The following CTNNA3 variants were observed in gnomAD, a reference collection of about 807,000 sequenced individuals.
CTNNA3 encodes the protein catenin alpha 3, also known as catenin alpha-3.
Under a neutral mutation model 95.7 loss-of-function variants are expected in CTNNA3, and 76 were observed. That is an observed-to-expected ratio of 0.79 (90% CI 0.66 to 0.96). CTNNA3 has a LOEUF of 0.96. CTNNA3 is among the 40% of genes least tolerant of loss of function. CTNNA3 has a pLI of 0.00. For missense variants in CTNNA3, 1,191 were observed against 1,089.8 expected (o/e 1.09, Z -1.31); for synonymous variants, 431 against 374.4 (o/e 1.15, Z -1.74).
chr10:66,924,237 C>T (rs2132611317), intron 7 of CTNNA3, among the ~76,000 whole-genome samples: 1 of 152,290 alleles, frequency 6.6e-6, no homozygotes, highest in Admixed American at 6.5e-5. Context: ...TAAGAACATA[C>T]TGCCCAAGGA....
intron 5 of CTNNA3, among the ~76,000 whole-genome samples, chr10:67,369,159 G>A (rs1488799353): frequency 6.6e-6 from 1 of 151,752 alleles, no homozygotes; most frequent in Non-Finnish European, 1.5e-5. Context: ...TTAAAGCCTT[G>A]GTAATTAAAA....
At chr10:67,284,884 A>G (rs933503121) in intron 5 of CTNNA3, among the ~76,000 whole-genome samples, 1 of 152,190 alleles carries the variant, frequency 6.6e-6, no homozygotes, top group Non-Finnish European at 1.5e-5. Context: ...AAGCTATGTG[A>G]GGAATACAAA....
At chr10:67,274,914 G>A (rs558650971) in intron 5 of CTNNA3, among the ~76,000 whole-genome samples, 65 of 152,178 alleles carry the variant, frequency 4.3e-4, no homozygotes, top group African/African-American at 1.5e-3. Context: ...AACAAATATA[G>A]AATCATTAGA....
In CTNNA3 at chr10:66,702,138, T is replaced by TA. The variant is rs143358471; in HGVS notation, c.1281+64125dup. ...AAAATATGGCATGCCATTTACACAG[T>TA]AAAAAAAAAACAAATGTGTCCAGGG... On this transcript the variant is annotated intron_variant, in intron 9 of 17. Transcript: ENST00000433211. Among the ~76,000 whole-genome samples the TA allele has an allele frequency of 8.2e-3, 1,209 of 146,952 alleles. 17 individuals are homozygous for TA. Among genetic ancestry groups the TA allele is most frequent in the African/African-American group, 0.028 (1,108 of 40,070 alleles).
chr10:67,738,325 AG>A (rs1431414700), intron 1 of CTNNA3, among the ~76,000 whole-genome samples: 2 of 152,354 alleles, frequency 1.3e-5, no homozygotes, highest in East Asian at 3.9e-4. Flanking sequence ...GTGGGCCTCC[AG>A]CAAACTCCAA....
At chr10:67,014,088 C>T (rs1164980441) in intron 7 of CTNNA3, among the ~76,000 whole-genome samples, 1 of 152,066 alleles carries the variant, frequency 6.6e-6, no homozygotes, top group East Asian at 1.9e-4. Flanking sequence ...AAAGAATCAA[C>T]ATTAGTTTGT....
At chr10:67,708,040 G>C (rs984852558) in intron 1 of CTNNA3, among the ~76,000 whole-genome samples, 1 of 152,082 alleles carries the variant, frequency 6.6e-6, no homozygotes, top group African/African-American at 2.4e-5. Flanking sequence ...GGTGAATTTA[G>C]TGCTAATGTT....
intron 5 of CTNNA3, among the ~76,000 whole-genome samples, chr10:67,313,889 A>G (rs1840930508): frequency 6.6e-6 from 1 of 152,224 alleles, no homozygotes. Context: ...AAGAAGTTCT[A>G]TATTAGACAT....
At chr10:67,125,362 C>T (rs1029222057) in intron 7 of CTNNA3, among the ~76,000 whole-genome samples, 35 of 151,794 alleles carry the variant, frequency 2.3e-4, no homozygotes, top group African/African-American at 8.0e-4. Context: ...AGAATGCGCC[C>T]GGGAAAATAC....
At chr10:66,203,237 G>C (rs1211915849) in intron 13 of CTNNA3, among the ~76,000 whole-genome samples, 2 of 152,130 alleles carry the variant, frequency 1.3e-5, no homozygotes, top group African/African-American at 4.8e-5. Context: ...GACGTTAGAT[G>C]AATCAGTAAA....
chr10:66,069,460 T>C lies in CTNNA3; in HGVS notation c.2007A>G (p.Glu669=). ...RAKMTQLPEA[E]KEKIAEQVAD... ...CAACTTGCTCAGCAATCTTTTCTTT[T>C]TCTGCCTCAGGCAGTTGAGTCATCT... The change falls in exon 15 of 18, where the codon GAA becomes GAG. Residue 669 remains glutamate, a synonymous_variant. Transcript: ENST00000433211. The C allele has an allele frequency of 6.2e-7, 1 of 1,613,164 alleles. No homozygotes were observed.
intron 7 of CTNNA3, among the ~76,000 whole-genome samples, chr10:66,923,657 T>C (rs745697117): frequency 6.6e-6 from 1 of 152,210 alleles, no homozygotes; most frequent in Non-Finnish European, 1.5e-5. Flanking sequence ...AGACAAGATA[T>C]CTGTGAAAAG....
chr10:65,951,513 T>C (rs2077611949), intron 17 of CTNNA3, among the ~76,000 whole-genome samples: 1 of 152,138 alleles, frequency 6.6e-6, no homozygotes, highest in Non-Finnish European at 1.5e-5. Flanking sequence ...ATCACTATTA[T>C]TAATACTGTG....
Position 67,119,329 on chromosome 10 carries a change from G to A in CTNNA3, c.1047+60988C>T, listed in dbSNP as rs544882880. On this transcript the variant is annotated intron_variant, in intron 7 of 17. Transcript: ENST00000433211. ...ACTTTCAGAATCTCAGTGTTAAAAGGAAACTCAGACGTTAACCATTGTTTG... is the reference window on the plus strand; with the variant it reads ...ACTTTCAGAATCTCAGTGTTAAAAGAAAACTCAGACGTTAACCATTGTTTG... Among the ~76,000 whole-genome samples, 4 of 151,868 alleles carry A rather than the reference G, an allele frequency of 2.6e-5. No individual in the cohort carries two copies. In the South Asian group the frequency reaches 8.3e-4, roughly 32 times the overall value.
intron 11 of CTNNA3, among the ~76,000 whole-genome samples, chr10:66,450,306 T>C (rs2093455025): frequency 6.6e-6 from 1 of 152,132 alleles, no homozygotes; most frequent in Admixed American, 6.6e-5. Flanking sequence ...AACACTTTGT[T>C]TGGAGTACTA....
At chr10:66,270,826 C>T (rs1262401437) in intron 13 of CTNNA3, among the ~76,000 whole-genome samples, 5 of 152,112 alleles carry the variant, frequency 3.3e-5, no homozygotes, top group Non-Finnish European at 1.5e-5. Context: ...ATGCCAGAAG[C>T]ATGGGCCTGT....
At chr10:66,953,733 A>G (rs1848654330) in intron 7 of CTNNA3, among the ~76,000 whole-genome samples, 1 of 152,170 alleles carries the variant, frequency 6.6e-6, no homozygotes, top group African/African-American at 2.4e-5. Flanking sequence ...GATATGTTTT[A>G]TGACATGCTG....
chr10:65,932,073 G>C lies in CTNNA3; in HGVS notation c.2401-11456C>G, dbSNP rs559189818. Among the ~76,000 whole-genome samples, 15 of 152,284 alleles carry C rather than the reference G, an allele frequency of 9.9e-5. No individual in the cohort carries two copies. The Middle Eastern group carries it at 0.017, about 173-fold the overall frequency. ...GGTGAGAGGGTGTGTGTAAGCTGAAGGGAGGAGGGAAGTAGAGCTGAGGGG... is the reference window on the plus strand; with the variant it reads ...GGTGAGAGGGTGTGTGTAAGCTGAACGGAGGAGGGAAGTAGAGCTGAGGGG... On this transcript the variant is annotated intron_variant, in intron 17 of 17. Transcript: ENST00000433211.
At chr10:66,766,466 CTG>C (rs750306113) in intron 8 of CTNNA3, 50 bp from the exon 9 acceptor site, 1 of 1,503,126 alleles carries the variant, frequency 6.7e-7, no homozygotes, top group South Asian at 1.2e-5. Flanking sequence ...AAATAGTTCA[CTG>C]TGTTTCCTTT....
Sources: allele counts gnomAD v4.1 joint callset (sites outside exome capture counted in the v4.1 genomes callset), GRCh38; gene constraint gnomAD v4.1.1; transcripts MANE v1.5; gene names NCBI Gene and HGNC (gene_info 2026-07-23, HGNC 2026-07-21).